EPHA3: variants seen among roughly 807,000 people sequenced by gnomAD.
The protein encoded by EPHA3 is ephrin type-A receptor 3.
In EPHA3, 42 loss-of-function variants were observed where a neutral mutation model predicts 107.1. That is an observed-to-expected ratio of 0.39 (90% confidence interval 0.31 to 0.51). The LOEUF is 0.51. EPHA3 is among the 20% of genes least tolerant of loss of function. The pLI is 0.78. For synonymous variants in EPHA3, 461 were observed against 424.8 expected (o/e 1.09, Z -1.05); for missense variants, 1,183 against 1,211.2 (o/e 0.98, Z 0.35).
chr3:89,155,410 T>G (rs1576189776), intron 2 of EPHA3, among the ~76,000 whole-genome samples: 1 of 152,090 alleles, frequency 6.6e-6, no homozygotes, highest in South Asian at 2.1e-4. Flanking sequence ...AGTGACAATA[T>G]GTACTGTTTC....
At chr3:89,278,741 C>A in intron 3 of EPHA3, among the ~76,000 whole-genome samples, 1 of 152,168 alleles carries the variant, frequency 6.6e-6, no homozygotes. Flanking sequence ...AAGCTATCAA[C>A]TTCTTGAGTA....
chr3:89,181,248 T>A (rs1380963483), intron 2 of EPHA3, among the ~76,000 whole-genome samples: 1 of 152,036 alleles, frequency 6.6e-6, no homozygotes, highest in Admixed American at 6.6e-5. Flanking sequence ...GTAATAGGCA[T>A]GTTGAAGACC....
chr3:89,202,131 A>C (rs1382530753), intron 2 of EPHA3, among the ~76,000 whole-genome samples: 1 of 152,056 alleles, frequency 6.6e-6, no homozygotes, highest in Non-Finnish European at 1.5e-5. Flanking sequence ...AGTACCTCAA[A>C]TACAGAACAT....
At chr3:89,348,567 C>A (rs992159883) in intron 5 of EPHA3, among the ~76,000 whole-genome samples, 3 of 142,124 alleles carry the variant, frequency 2.1e-5, no homozygotes, top group Non-Finnish European at 3.0e-5. Context: ...AAAAAACCAG[C>A]TCCTGGATTC....
intron 10 of EPHA3, among the ~76,000 whole-genome samples, chr3:89,416,027 A>C (rs2107524387): frequency 6.6e-6 from 1 of 151,576 alleles, no homozygotes; most frequent in Admixed American, 6.6e-5. Context: ...CTGACACAGA[A>C]GCATTGTTCA....
intron 3 of EPHA3, among the ~76,000 whole-genome samples, chr3:89,263,261 A>G (rs895138355): frequency 6.6e-6 from 1 of 151,818 alleles, no homozygotes; most frequent in African/African-American, 2.4e-5. Context: ...AGCTTCATCC[A>G]TGTCCCTACA....
intron 3 of EPHA3, among the ~76,000 whole-genome samples, chr3:89,233,345 T>TC (rs1272548078): frequency 2.6e-5 from 4 of 152,116 alleles, no homozygotes; most frequent in East Asian, 1.9e-4. Context: ...ACCTACATTG[T>TC]CCCCCCACTT....
intron 3 of EPHA3, among the ~76,000 whole-genome samples, chr3:89,256,620 T>G (rs1224765071): frequency 1.3e-5 from 2 of 150,690 alleles, no homozygotes; most frequent in African/African-American, 2.5e-5. Flanking sequence ...AATAAAATTC[T>G]ATGGTCTAGT....
chr3:89,114,253 C>T (rs543827723), intron 1 of EPHA3, among the ~76,000 whole-genome samples: 10 of 152,194 alleles, frequency 6.6e-5, no homozygotes, highest in Admixed American at 6.5e-4. Flanking sequence ...GTGTGTCATG[C>T]GAAATTTTAG....
intron 15 of EPHA3, 125 bp downstream of exon 15, chr3:89,450,495 G>C (rs1559700945): frequency 2.5e-6 from 2 of 813,344 alleles, no homozygotes; most frequent in Non-Finnish European, 3.8e-6. Context: ...CCATATTAGA[G>C]AGATGTATTT....
At chr3:89,191,527 A>G (rs1465781069) in intron 2 of EPHA3, among the ~76,000 whole-genome samples, 1 of 151,816 alleles carries the variant, frequency 6.6e-6, no homozygotes, top group East Asian at 1.9e-4. Flanking sequence ...AGGATGGTAT[A>G]CAGCCTGTGA....
intron 3 of EPHA3, among the ~76,000 whole-genome samples, chr3:89,229,368 T>A (rs910008364): frequency 1.3e-5 from 2 of 151,882 alleles, no homozygotes; most frequent in African/African-American, 4.8e-5. Flanking sequence ...TAATTATTTA[T>A]GTAAATAAGA....
intron 3 of EPHA3, among the ~76,000 whole-genome samples, chr3:89,260,783 C>T (rs893119796): frequency 6.6e-6 from 1 of 152,176 alleles, no homozygotes; most frequent in African/African-American, 2.4e-5. Context: ...CCTTTCTTTG[C>T]CTTTTGTTTT....
At chr3:89,174,552 C>T (rs1705279058) in intron 2 of EPHA3, among the ~76,000 whole-genome samples, 1 of 151,718 alleles carries the variant, frequency 6.6e-6, no homozygotes, top group South Asian at 2.1e-4. Flanking sequence ...AGATTGATTG[C>T]AGAGAGTATA....
At chr3:89,420,661 T>C (rs1559689778) in intron 11 of EPHA3, among the ~76,000 whole-genome samples, 2 of 151,628 alleles carry the variant, frequency 1.3e-5, no homozygotes, top group East Asian at 1.9e-4. Context: ...TTGTTCTTTC[T>C]GAGCAAGGCT....
chr3:89,222,944 A>C (rs1439419806), intron 3 of EPHA3, among the ~76,000 whole-genome samples: 1 of 152,180 alleles, frequency 6.6e-6, no homozygotes, highest in Non-Finnish European at 1.5e-5. Flanking sequence ...TTTTCTTTGA[A>C]AATGTTATTG....
At chr3:89,312,366 GTT>G (rs71105128) in intron 3 of EPHA3, among the ~76,000 whole-genome samples, 47 of 143,006 alleles carry the variant, frequency 3.3e-4, no homozygotes, top group African/African-American at 8.9e-4. Flanking sequence ...CGCAATTCTG[GTT>G]TTTTTTTTTT....
At chr3:89,449,976 A>G (rs1301808383) in intron 14 of EPHA3, among the ~76,000 whole-genome samples, 1 of 152,150 alleles carries the variant, frequency 6.6e-6, no homozygotes, top group Non-Finnish European at 1.5e-5. Context: ...TGTTATTTCA[A>G]TCTTCCTTTA....
At chr3:89,430,999 A>G (rs1419378228) in intron 12 of EPHA3, 151 bp from the exon 13 acceptor site, 8 of 670,760 alleles carry the variant, frequency 1.2e-5, no homozygotes, top group African/African-American at 1.1e-4. Flanking sequence ...CCTTGTATCC[A>G]TTTGCCACAT....
Sources: gnomAD v4.1 joint callset for allele counts (sites outside exome capture counted in the v4.1 genomes callset) on GRCh38, gnomAD v4.1.1 for gene constraint, MANE v1.5 for transcripts, NCBI Gene and HGNC (gene_info 2026-07-23, HGNC 2026-07-21) for gene names.